Variants in MPDZ observed in about 807,000 individuals in gnomAD.
MPDZ encodes multiple PDZ domain crumbs cell polarity complex component.
Under a neutral mutation model 239.1 loss-of-function variants are expected in MPDZ, and 234 were observed. The ratio of observed to expected loss-of-function variants is 0.98; its 90% CI spans 0.88 to 1.09. MPDZ has a LOEUF of 1.09. MPDZ is among the 50% of genes least tolerant of loss of function. The pLI, the probability that MPDZ is intolerant of heterozygous loss-of-function variation, is 0.00. For synonymous variants in MPDZ, 1,048 were observed against 881.3 expected (o/e 1.19, Z -3.35); for missense variants, 3,175 against 2,510.0 (o/e 1.26, Z -5.66).
rs570301098 is a variant in MPDZ, at chr9:13,109,835, T to C, written c.5942+117A>G. 6.0e-5 allele frequency: 47 copies of C among 777,332 alleles called. 1 individual carries two copies. In the South Asian group the frequency reaches 6.2e-4, roughly 10 times the overall value. The allele number at this position is 777,332 out of a possible 1,614,324, so 48.2% of individuals were successfully genotyped here. A position where few individuals can be genotyped will look rare whatever the true frequency, so the allele number is the denominator to read the frequency against. ...TGATATGTATAATTCACACTTCATATATCCTATCATTTTACCTGTACGTAA... is the reference window on the plus strand; with the variant it reads ...TGATATGTATAATTCACACTTCATACATCCTATCATTTTACCTGTACGTAA... On this transcript the variant is annotated intron_variant, in intron 45 of 46. Transcript: ENST00000319217.
intron 1 of MPDZ, among the ~76,000 whole-genome samples, chr9:13,254,575 A>G (rs909605564): frequency 6.6e-6 from 1 of 151,984 alleles, no homozygotes; most frequent in African/African-American, 2.4e-5. Context: ...TAAAAAATGG[A>G]AAAAAAACAT....
chr9:13,248,266 T>A (rs1966878093), intron 2 of MPDZ, among the ~76,000 whole-genome samples: 1 of 151,992 alleles, frequency 6.6e-6, no homozygotes, highest in South Asian at 2.1e-4. Context: ...AGTACACATT[T>A]TTTAATGGAG....
intron 13 of MPDZ, among the ~76,000 whole-genome samples, chr9:13,195,818 G>A (rs1955564525): frequency 6.6e-6 from 1 of 151,918 alleles, no homozygotes; most frequent in South Asian, 2.1e-4. Flanking sequence ...ATAAATCATA[G>A]GTTTAAAAAT....
chr9:13,224,926 A>G (rs900342651), intron 3 of MPDZ, among the ~76,000 whole-genome samples: 3 of 151,998 alleles, frequency 2.0e-5, no homozygotes, highest in Non-Finnish European at 4.4e-5. Context: ...TAACCTCTAA[A>G]CTCTCAGAAT....
At chr9:13,167,413 G>C (rs568791503) in intron 22 of MPDZ, among the ~76,000 whole-genome samples, 7 of 151,908 alleles carry the variant, frequency 4.6e-5, no homozygotes, top group Non-Finnish European at 8.8e-5. Context: ...TGCTCCAAAT[G>C]GTATATACTT....
chr9:13,161,047 C>T (rs905495186), intron 23 of MPDZ, among the ~76,000 whole-genome samples: 1 of 151,180 alleles, frequency 6.6e-6, no homozygotes, highest in Non-Finnish European at 1.5e-5. Context: ...CAATCCCCAA[C>T]AGATAATGAG....
rs116610625 is a variant in MPDZ, at chr9:13,223,417, C to A, written c.533+154G>T. 6.3e-3 allele frequency among the ~76,000 whole-genome samples: 965 copies of A among 152,140 alleles called. 3 individuals are homozygous for A. Among genetic ancestry groups the A allele is most frequent in the African/African-American group, 0.022 (911 of 41,526 alleles). ...CATTTCAAAGAACCTGCTATTTTAT[C>A]ACAACAATGTTAATGACTTCTAAAA... is the stretch of plus-strand genomic sequence containing the variant. On this transcript the variant is annotated intron_variant, in intron 5 of 46. Transcript: ENST00000319217.
intron 21 of MPDZ, among the ~76,000 whole-genome samples, chr9:13,173,697 T>G (rs2134089309): frequency 6.9e-6 from 1 of 144,074 alleles, no homozygotes; most frequent in African/African-American, 2.6e-5. Context: ...AAAGCGAAAC[T>G]CTCTCTCAAA....
intron 13 of MPDZ, 39 bp from the exon 14 acceptor site, chr9:13,193,352 T>C: frequency 6.4e-7 from 1 of 1,559,722 alleles, no homozygotes; most frequent in Non-Finnish European, 8.7e-7. Context: ...AATTTTTATA[T>C]TCTTTTTATT....
intron 1 of MPDZ, among the ~76,000 whole-genome samples, chr9:13,271,149 A>C (rs1972865762): frequency 6.6e-6 from 1 of 152,140 alleles, no homozygotes; most frequent in Admixed American, 6.6e-5. Flanking sequence ...TCTTTTTTAC[A>C]ATTACCGGTA....
chr9:13,168,624 T>G, intron 21 of MPDZ, 60 bp from the exon 22 acceptor site: 1 of 1,181,502 alleles, frequency 8.5e-7, no homozygotes, highest in Non-Finnish European at 1.2e-6. Flanking sequence ...TCATTTTAAT[T>G]TGAATTTAAT....
At chr9:13,218,788 T>C (rs1043875515) in intron 8 of MPDZ, among the ~76,000 whole-genome samples, 2 of 151,942 alleles carry the variant, frequency 1.3e-5, no homozygotes, top group Admixed American at 1.3e-4. Flanking sequence ...AATTCTTAAA[T>C]ATTTAAGAGA....
At chr9:13,193,652 A>G (rs2135144685) in intron 13 of MPDZ, among the ~76,000 whole-genome samples, 1 of 152,340 alleles carries the variant, frequency 6.6e-6, no homozygotes, top group South Asian at 2.1e-4. Flanking sequence ...GCACAGCTAG[A>G]AAAGGGTTTG....
intron 19 of MPDZ, among the ~76,000 whole-genome samples, chr9:13,177,484 C>T (rs1036901849): frequency 2.0e-5 from 3 of 152,126 alleles, no homozygotes; most frequent in African/African-American, 4.8e-5. Context: ...CTCACACATA[C>T]AAGCAGATAT....
chr9:13,122,366 T>G (rs544005752), intron 36 of MPDZ, among the ~76,000 whole-genome samples, 196 bp from the exon 37 acceptor site: 1 of 152,138 alleles, frequency 6.6e-6, no homozygotes, highest in Non-Finnish European at 1.5e-5. Context: ...GAGCTTATAC[T>G]TTTTTCCTAA....
intron 19 of MPDZ, among the ~76,000 whole-genome samples, chr9:13,179,324 A>G (rs1305901043): frequency 6.6e-6 from 1 of 152,154 alleles, no homozygotes; most frequent in African/African-American, 2.4e-5. Context: ...AATTGATTAT[A>G]ATAATTAGTA....
At chr9:13,275,922 T>C (rs1054775700) in intron 1 of MPDZ, among the ~76,000 whole-genome samples, 1 of 152,134 alleles carries the variant, frequency 6.6e-6, no homozygotes, top group Non-Finnish European at 1.5e-5. Flanking sequence ...TAAGCTCTAC[T>C]TCATATCAAA....
Position 13,111,790 on chromosome 9 carries a change from T to C in MPDZ, c.5724+234A>G, listed in dbSNP as rs1266030354. 2.0e-5 allele frequency among the ~76,000 whole-genome samples: 3 copies of C among 152,344 alleles called. No homozygotes were observed. In the East Asian group the frequency reaches 5.8e-4, roughly 29 times the overall value. ...CACAGAATTTCAACATATAAAAATA[T>C]GTATTAGGAAACAACTATAAATCTT... On this transcript the variant is annotated intron_variant, in intron 43 of 46. Coordinates refer to ENST00000319217, the MANE Select transcript of MPDZ (RefSeq NM_001378778.1).
At chr9:13,254,423 G>T (rs1479449120) in intron 1 of MPDZ, among the ~76,000 whole-genome samples, 1 of 151,948 alleles carries the variant, frequency 6.6e-6, no homozygotes, top group Non-Finnish European at 1.5e-5. Flanking sequence ...ACATTTCAAG[G>T]TACTAAATCC....
Sources: gnomAD v4.1 joint callset for allele counts (sites outside exome capture counted in the v4.1 genomes callset) on GRCh38, gnomAD v4.1.1 for gene constraint, MANE v1.5 for transcripts, NCBI Gene and HGNC (gene_info 2026-07-23, HGNC 2026-07-21) for gene names.